The following THSD7B variants were observed in gnomAD, a reference collection of about 807,000 sequenced individuals.
The protein encoded by THSD7B is thrombospondin type 1 domain containing 7B, also known as thrombospondin type-1 domain-containing protein 7B.
Under a neutral mutation model 213.6 loss-of-function variants are expected in THSD7B, and 138 were observed. That is an observed-to-expected ratio of 0.65 (90% CI 0.56 to 0.74). THSD7B has a LOEUF of 0.74. Ranked by LOEUF, THSD7B falls within the 30% of genes least tolerant of loss-of-function variation. The pLI, the probability that THSD7B is intolerant of heterozygous loss-of-function variation, is 0.00. For missense variants in THSD7B, 1,931 were observed against 1,991.5 expected, an observed-to-expected ratio of 0.97 and a Z score of 0.58; for synonymous variants, 742 against 687.0, an observed-to-expected ratio of 1.08 and a Z score of -1.25.
At chr2:137,350,157 G>A (rs959443890) in intron 12 of THSD7B, among the ~76,000 whole-genome samples, 1 of 151,820 alleles carries the variant, frequency 6.6e-6, no homozygotes, top group Non-Finnish European at 1.5e-5. Context: ...TAATAGTGAA[G>A]TTGTATGTTA....
chr2:137,537,510 C>A (rs898710589), intron 15 of THSD7B, among the ~76,000 whole-genome samples: 7 of 151,812 alleles, frequency 4.6e-5, no homozygotes, highest in African/African-American at 1.7e-4. Flanking sequence ...CTTCTGGTTG[C>A]AAACAACCAT....
intron 17 of THSD7B, among the ~76,000 whole-genome samples, chr2:137,579,503 T>C (rs565275632): frequency 1.3e-5 from 2 of 152,036 alleles, no homozygotes; most frequent in Admixed American, 1.3e-4. Flanking sequence ...TAAATTAATA[T>C]GCACGTGAGT....
intron 2 of THSD7B, among the ~76,000 whole-genome samples, chr2:136,928,977 GA>G (rs1353266764): frequency 6.6e-6 from 1 of 152,034 alleles, no homozygotes; most frequent in African/African-American, 2.4e-5. Flanking sequence ...TAGAGAAACA[GA>G]AATGAAATTT....
intron 7 of THSD7B, among the ~76,000 whole-genome samples, chr2:137,224,791 T>G (rs963870320): frequency 1.3e-5 from 2 of 151,562 alleles, no homozygotes; most frequent in African/African-American, 4.9e-5. Context: ...CCTGCTTAGC[T>G]ACTCTTATTA....
intron 17 of THSD7B, among the ~76,000 whole-genome samples, chr2:137,576,632 T>G (rs887808739): frequency 6.6e-6 from 1 of 152,114 alleles, no homozygotes; most frequent in Non-Finnish European, 1.5e-5. Flanking sequence ...TGTGCTTTAT[T>G]CTTTTCTGTA....
chr2:136,990,395 G>A (rs1573752877), intron 2 of THSD7B, among the ~76,000 whole-genome samples: 2 of 152,190 alleles, frequency 1.3e-5, no homozygotes, highest in Non-Finnish European at 2.9e-5. Flanking sequence ...TGATCAAGAT[G>A]CCTGAGCAAG....
chr2:137,129,159 T>C (rs1688680491), intron 5 of THSD7B, among the ~76,000 whole-genome samples: 1 of 152,136 alleles, frequency 6.6e-6, no homozygotes, highest in African/African-American at 2.4e-5. Context: ...TTTCTACTCG[T>C]TTTCAAGTTG....
chr2:137,333,442 AC>A (rs1684559452), intron 12 of THSD7B, among the ~76,000 whole-genome samples: 1 of 152,170 alleles, frequency 6.6e-6, no homozygotes, highest in African/African-American at 2.4e-5. Flanking sequence ...GTGTGTCTGT[AC>A]CTTTTTCCAG....
At chr2:137,073,797 T>C (rs1282455729) in intron 3 of THSD7B, among the ~76,000 whole-genome samples, 1 of 151,884 alleles carries the variant, frequency 6.6e-6, no homozygotes, top group East Asian at 1.9e-4. Context: ...TTTGTTCTCA[T>C]TGGTTTCAAA....
chr2:136,964,826 C>G (rs1161108268), intron 2 of THSD7B, among the ~76,000 whole-genome samples: 3 of 152,054 alleles, frequency 2.0e-5, no homozygotes, highest in African/African-American at 7.2e-5. Context: ...TATGGTGACA[C>G]TGTGTCTCTA....
chr2:137,626,326 C>T (rs1342558493), intron 20 of THSD7B, among the ~76,000 whole-genome samples: 1 of 151,972 alleles, frequency 6.6e-6, no homozygotes, highest in Non-Finnish European at 1.5e-5. Flanking sequence ...TAGCCAGGTG[C>T]CGTGGCGGGC....
intron 4 of THSD7B, among the ~76,000 whole-genome samples, chr2:137,096,344 C>T (rs1688038871): frequency 6.6e-6 from 1 of 152,278 alleles, no homozygotes; most frequent in East Asian, 1.9e-4. Flanking sequence ...ACTGACCCAA[C>T]AGGTTCTGGT....
At chr2:136,833,662 G>T (rs1158682072) in intron 1 of THSD7B, among the ~76,000 whole-genome samples, 1 of 152,046 alleles carries the variant, frequency 6.6e-6, no homozygotes, top group Non-Finnish European at 1.5e-5. Flanking sequence ...CTGATTTGGA[G>T]CCTAGTTTAT....
At chr2:137,023,769 T>C (rs1317172994) in intron 2 of THSD7B, among the ~76,000 whole-genome samples, 1 of 152,146 alleles carries the variant, frequency 6.6e-6, no homozygotes, top group Non-Finnish European at 1.5e-5. Context: ...ATGGCAGTGA[T>C]GAAATGCTAG....
At chr2:137,306,660 G>A (rs371178908) in intron 12 of THSD7B, among the ~76,000 whole-genome samples, 7 of 152,086 alleles carry the variant, frequency 4.6e-5, no homozygotes, top group South Asian at 4.2e-4. Context: ...ATGCTGTCCT[G>A]TCTTTTTTCT....
chr2:137,482,841 A>G (rs1688338289), intron 15 of THSD7B, among the ~76,000 whole-genome samples: 1 of 152,188 alleles, frequency 6.6e-6, no homozygotes, highest in South Asian at 2.1e-4. Context: ...CACGGGTGAG[A>G]GGAAAGGCAG....
chr2:137,557,746 A>G (rs1277760350), intron 15 of THSD7B, among the ~76,000 whole-genome samples: 1 of 152,210 alleles, frequency 6.6e-6, no homozygotes, highest in Non-Finnish European at 1.5e-5. Context: ...GAGACACAAA[A>G]AACCCTTCAA....
intron 2 of THSD7B, among the ~76,000 whole-genome samples, chr2:136,965,170 T>C (rs185356040): frequency 1.5e-4 from 23 of 152,354 alleles, no homozygotes; most frequent in African/African-American, 5.0e-4. Flanking sequence ...TTTGTCTTCA[T>C]ATTATCTGCC....
chr2:136,976,279 C>T (rs1390026312), intron 2 of THSD7B, among the ~76,000 whole-genome samples: 1 of 152,154 alleles, frequency 6.6e-6, no homozygotes, highest in Non-Finnish European at 1.5e-5. Flanking sequence ...AGCTTTTGCC[C>T]ATTCATTATG....
Sources: gnomAD v4.1 joint callset for allele counts (sites outside exome capture counted in the v4.1 genomes callset) on GRCh38, gnomAD v4.1.1 for gene constraint, MANE v1.5 for transcripts, NCBI Gene and HGNC (gene_info 2026-07-23, HGNC 2026-07-21) for gene names.